The following TMPRSS11F variants were observed in gnomAD, a reference collection of about 807,000 sequenced individuals.
TMPRSS11F encodes transmembrane protease serine 11F.
In TMPRSS11F, 47 loss-of-function variants were observed where a neutral mutation model predicts 60.2. That is an observed-to-expected ratio of 0.78 (90% CI 0.62 to 1.00). The LOEUF is 1.00. Among genes scored for constraint, TMPRSS11F ranks in the 50% least tolerant of loss-of-function variants. TMPRSS11F has a pLI of 0.00. For synonymous variants in TMPRSS11F, 166 were observed against 167.3 expected (o/e 0.99, Z 0.06); for missense variants, 519 against 522.9 (o/e 0.99, Z 0.07).
At chr4:68,066,295 T>G (rs1416674904) in intron 7 of TMPRSS11F, among the ~76,000 whole-genome samples, 1 of 152,128 alleles carries the variant, frequency 6.6e-6, no homozygotes, top group Admixed American at 6.6e-5. Flanking sequence ...CATATATGAC[T>G]TCAGGCCTTA....
At chr4:68,109,825 G>A (rs577835339) in intron 1 of TMPRSS11F, among the ~76,000 whole-genome samples, 1 of 152,210 alleles carries the variant, frequency 6.6e-6, no homozygotes, top group East Asian at 1.9e-4. Flanking sequence ...AGAAAACACT[G>A]GGCAATTAAT....
intron 4 of TMPRSS11F, 132 bp from the exon 5 acceptor site, chr4:68,072,618 G>A (rs1438392): frequency 0.017 from 8,753 of 524,416 alleles, 464 homozygotes; most frequent in African/African-American, 0.13. Flanking sequence ...AATTATCTCT[G>A]GATACAGAGA....
chr4:68,094,768 C>T (rs949445060), intron 2 of TMPRSS11F, among the ~76,000 whole-genome samples: 3 of 151,822 alleles, frequency 2.0e-5, no homozygotes, highest in African/African-American at 7.2e-5. Flanking sequence ...ACTTCAAAAA[C>T]AGCTTTAGAT....
intron 1 of TMPRSS11F, among the ~76,000 whole-genome samples, chr4:68,114,072 G>A (rs1384702745): frequency 1.3e-5 from 2 of 151,910 alleles, no homozygotes; most frequent in African/African-American, 4.8e-5. Context: ...AAAATATTTT[G>A]TTTTAAATGA....
chr4:68,098,213 G>T (rs1217278235), intron 2 of TMPRSS11F, among the ~76,000 whole-genome samples: 3 of 152,094 alleles, frequency 2.0e-5, no homozygotes, highest in Non-Finnish European at 4.4e-5. Context: ...GCTGAGGCAG[G>T]AGAATTTCTT....
intron 3 of TMPRSS11F, among the ~76,000 whole-genome samples, chr4:68,079,862 CTAAT>C (rs897763954): frequency 6.6e-6 from 1 of 152,184 alleles, no homozygotes; most frequent in African/African-American, 2.4e-5. Flanking sequence ...ATGGCTCTAA[CTAAT>C]TAGCTTCATA....
intron 1 of TMPRSS11F, among the ~76,000 whole-genome samples, chr4:68,102,342 G>C (rs180698027): frequency 3.0e-4 from 45 of 152,276 alleles, no homozygotes; most frequent in Non-Finnish European, 5.6e-4. Flanking sequence ...GCCCAGAAGA[G>C]AGATTGCTGA....
intron 8 of TMPRSS11F, among the ~76,000 whole-genome samples, chr4:68,063,446 G>A (rs1371247567): frequency 6.6e-6 from 1 of 151,802 alleles, no homozygotes; most frequent in Non-Finnish European, 1.5e-5. Context: ...GCGCAGTCTC[G>A]GCTCACTGTA....
chr4:68,073,215 C>G (rs529223762), intron 4 of TMPRSS11F, among the ~76,000 whole-genome samples: 1 of 152,150 alleles, frequency 6.6e-6, no homozygotes, highest in East Asian at 1.9e-4. Context: ...TAAACCTTTA[C>G]TATATTAAAG....
At chr4:68,100,284 G>A (rs966212892) in intron 1 of TMPRSS11F, among the ~76,000 whole-genome samples, 2 of 152,052 alleles carry the variant, frequency 1.3e-5, no homozygotes, top group Non-Finnish European at 1.5e-5. Context: ...GTAAGCACCT[G>A]GAAATTTACT....
At chr4:68,123,683 G>A (rs1024187547) in intron 1 of TMPRSS11F, among the ~76,000 whole-genome samples, 4 of 152,100 alleles carry the variant, frequency 2.6e-5, no homozygotes, top group African/African-American at 9.7e-5. Flanking sequence ...ATGATAAAAG[G>A]GAGGGGAAGG....
At chr4:68,086,607 A>G (rs1023757404) in intron 3 of TMPRSS11F, among the ~76,000 whole-genome samples, 4 of 152,136 alleles carry the variant, frequency 2.6e-5, no homozygotes, top group Non-Finnish European at 5.9e-5. Flanking sequence ...TTGAAAGAAT[A>G]AACAAGACTG....
intron 8 of TMPRSS11F, among the ~76,000 whole-genome samples, chr4:68,063,631 G>A (rs1036978931): frequency 2.0e-5 from 3 of 151,902 alleles, no homozygotes; most frequent in Admixed American, 1.3e-4. Context: ...CGCCCGACTC[G>A]GCCTCTCAAA....
intron 1 of TMPRSS11F, among the ~76,000 whole-genome samples, chr4:68,120,228 C>T (rs61475007): frequency 2.6e-5 from 4 of 152,026 alleles, no homozygotes; most frequent in African/African-American, 7.2e-5. Context: ...CATATCAACA[C>T]TGTTGATATG....
chr4:68,111,196 A>T (rs1434453121), intron 1 of TMPRSS11F, among the ~76,000 whole-genome samples: 2 of 151,998 alleles, frequency 1.3e-5, no homozygotes, highest in African/African-American at 4.8e-5. Context: ...TCCCAGTTGG[A>T]GCTTATACAT....
chr4:68,073,908 T>C, intron 4 of TMPRSS11F, 34 bp downstream of exon 4: 2 of 1,347,770 alleles, frequency 1.5e-6, no homozygotes, highest in Non-Finnish European at 2.1e-6. Flanking sequence ...ATCTTAACAG[T>C]ATTAACTTGA....
intron 1 of TMPRSS11F, among the ~76,000 whole-genome samples, chr4:68,115,581 G>A (rs1724502405): frequency 6.6e-6 from 1 of 151,966 alleles, no homozygotes; most frequent in Non-Finnish European, 1.5e-5. Flanking sequence ...CACACAAGAT[G>A]GCAAGGAATA....
chr4:68,090,759 T>C (rs2109864545), intron 2 of TMPRSS11F, 118 bp from the exon 3 acceptor site: 1 of 1,441,310 alleles, frequency 6.9e-7, no homozygotes, highest in Non-Finnish European at 9.2e-7. Context: ...CTACTTAGTG[T>C]AAAAATTCTT....
intron 3 of TMPRSS11F, chr4:68,080,771 A>G (rs1005170576): frequency 6.6e-6 from 1 of 151,138 alleles, no homozygotes; most frequent in African/African-American, 2.5e-5. Context: ...TATTTAATCA[A>G]GATCCCCCAG....
Sources: gnomAD v4.1 joint callset for allele counts (sites outside exome capture counted in the v4.1 genomes callset) on GRCh38, gnomAD v4.1.1 for gene constraint, MANE v1.5 for transcripts, NCBI Gene and HGNC (gene_info 2026-07-23, HGNC 2026-07-21) for gene names.